Variants in NKAIN2 observed in about 807,000 individuals in gnomAD.
The protein encoded by NKAIN2 is sodium/potassium-transporting ATPase subunit beta-1-interacting protein 2.
NKAIN2 carries 14 observed loss-of-function variants against 32.6 expected under a neutral mutation model. The ratio of observed to expected loss-of-function variants is 0.43; its 90% CI spans 0.28 to 0.67. The LOEUF (loss-of-function observed/expected upper bound fraction) is 0.67, where lower values mean the gene tolerates loss of function less well. NKAIN2 is among the 30% of genes least tolerant of loss of function. The probability of loss-of-function intolerance (pLI) is 0.17; values close to 1 mark genes in which losing one functional copy is unlikely to be tolerated. For synonymous variants in NKAIN2, 80 were observed against 87.2 expected (o/e 0.92, Z 0.46); for missense variants, 198 against 258.3 (o/e 0.77, Z 1.60).
At chr6:124,754,142 G>A (rs1226284189) in intron 4 of NKAIN2, among the ~76,000 whole-genome samples, 2 of 152,038 alleles carry the variant, frequency 1.3e-5, no homozygotes, top group Non-Finnish European at 2.9e-5. Context: ...TTGCAATTGT[G>A]TACTATGACG....
At chr6:124,499,657 A>T (rs1011346769) in intron 3 of NKAIN2, among the ~76,000 whole-genome samples, 13 of 152,306 alleles carry the variant, frequency 8.5e-5, no homozygotes, top group Admixed American at 3.3e-4. Context: ...GATAAAAGAG[A>T]TTAGAAAAAA....
chr6:124,624,800 T>A (rs1174443056), intron 3 of NKAIN2, among the ~76,000 whole-genome samples: 2 of 152,314 alleles, frequency 1.3e-5, no homozygotes, highest in Non-Finnish European at 2.9e-5. Flanking sequence ...TATGTACCTG[T>A]TAAAATTATT....
chr6:124,216,937 C>A (rs1188265801), intron 1 of NKAIN2, among the ~76,000 whole-genome samples: 3 of 152,006 alleles, frequency 2.0e-5, no homozygotes, highest in Non-Finnish European at 4.4e-5. Context: ...ATGTGTAGAA[C>A]ATAACTATTA....
intron 1 of NKAIN2, among the ~76,000 whole-genome samples, chr6:123,954,437 C>T (rs150541477): frequency 3.9e-5 from 6 of 152,308 alleles, no homozygotes; most frequent in African/African-American, 1.4e-4. Context: ...CATTGGGGAG[C>T]TCCCCCCAAA....
rs186629323 is a variant in NKAIN2, at chr6:124,570,184, G to A, written c.274-88002G>A. On this transcript the variant is annotated intron_variant, in intron 3 of 6. Coordinates refer to ENST00000368417, the MANE Select transcript of NKAIN2 (RefSeq NM_001040214.3). Reference sequence around the variant, plus strand: ...AGCAAAGCATTCAAAAGCTGACTTGGGTGCTGTTAAAAGTATTCCATTTTA... The same window carrying A: ...AGCAAAGCATTCAAAAGCTGACTTGAGTGCTGTTAAAAGTATTCCATTTTA... 1.8e-3 allele frequency among the ~76,000 whole-genome samples: 276 copies of A among 152,262 alleles called. 1 individual carries two copies. The highest frequency in any genetic ancestry group is 3.3e-3 in the Non-Finnish European group (224 of 68,018).
chr6:124,492,835 A>C (rs1328130161), intron 3 of NKAIN2, among the ~76,000 whole-genome samples: 1 of 152,020 alleles, frequency 6.6e-6, no homozygotes, highest in Admixed American at 6.6e-5. Context: ...AGATAAAAAC[A>C]AACATACTGA....
intron 3 of NKAIN2, among the ~76,000 whole-genome samples, chr6:124,370,365 C>A (rs1474347305): frequency 1.3e-5 from 2 of 151,862 alleles, no homozygotes; most frequent in Admixed American, 6.6e-5. Flanking sequence ...GTGTATACAG[C>A]CTGATGCAAT....
chr6:123,945,310 C>T (rs182333252), intron 1 of NKAIN2, among the ~76,000 whole-genome samples: 15 of 152,148 alleles, frequency 9.9e-5, no homozygotes, highest in Non-Finnish European at 1.9e-4. Flanking sequence ...GAAGAAATGT[C>T]TAATATTCTT....
chr6:124,127,072 G>C (rs926176713), intron 1 of NKAIN2, among the ~76,000 whole-genome samples: 2 of 152,168 alleles, frequency 1.3e-5, no homozygotes, highest in Non-Finnish European at 2.9e-5. Context: ...TATATAGAGA[G>C]AGAGAGAAGA....
chr6:123,822,232 C>T (rs531505536), intron 1 of NKAIN2, among the ~76,000 whole-genome samples: 46 of 152,172 alleles, frequency 3.0e-4, no homozygotes, highest in Admixed American at 5.9e-4. Context: ...AGTGTTCTGA[C>T]AACTAATTTT....
intron 3 of NKAIN2, among the ~76,000 whole-genome samples, chr6:124,361,371 A>G (rs1210478126): frequency 6.6e-6 from 1 of 152,060 alleles, no homozygotes; most frequent in East Asian, 1.9e-4. Context: ...TTCTACCTTC[A>G]TAATGTATGG....
At chr6:124,303,963 G>C (rs1403969488) in intron 2 of NKAIN2, among the ~76,000 whole-genome samples, 1 of 152,198 alleles carries the variant, frequency 6.6e-6, no homozygotes, top group Non-Finnish European at 1.5e-5. Context: ...GTAACCAAAT[G>C]AGTGAAAATG....
At chr6:124,651,344 C>T (rs1376488409) in intron 3 of NKAIN2, among the ~76,000 whole-genome samples, 1 of 152,180 alleles carries the variant, frequency 6.6e-6, no homozygotes, top group Non-Finnish European at 1.5e-5. Flanking sequence ...GGCCCCACTA[C>T]TGTGGCTCCA....
chr6:123,867,554 T>C (rs1051905323), intron 1 of NKAIN2, among the ~76,000 whole-genome samples: 3 of 152,232 alleles, frequency 2.0e-5, no homozygotes, highest in Non-Finnish European at 4.4e-5. Context: ...AAATGAATGC[T>C]TGTTAATATT....
At chr6:124,173,306 T>A (rs1788987535) in intron 1 of NKAIN2, among the ~76,000 whole-genome samples, 2 of 152,128 alleles carry the variant, frequency 1.3e-5, no homozygotes, top group African/African-American at 4.8e-5. Flanking sequence ...GTTCTACACA[T>A]TCATTTTAGC....
chr6:123,872,103 T>C (rs1772920018), intron 1 of NKAIN2, among the ~76,000 whole-genome samples: 1 of 152,208 alleles, frequency 6.6e-6, no homozygotes. Flanking sequence ...ATTATGTTTA[T>C]TATTATTAAT....
intron 2 of NKAIN2, among the ~76,000 whole-genome samples, chr6:124,336,370 A>C (rs1797857353): frequency 6.6e-6 from 1 of 152,188 alleles, no homozygotes. Context: ...AAGAAATCTC[A>C]TGTGTGCCTC....
In NKAIN2 at chr6:124,084,234, G is replaced by A. The variant is rs1278648716; in HGVS notation, c.55-198771G>A. ...TCAGGCCAGAACAGTTTATTCTCAT[G>A]TATTGCCATCTACCACATAACGATT... On this transcript the variant is annotated intron_variant, in intron 1 of 6. Transcript: ENST00000368417. Among the ~76,000 whole-genome samples, 3 of 151,938 alleles carry A rather than the reference G, an allele frequency of 2.0e-5. No homozygotes were observed. In the East Asian group the frequency reaches 5.8e-4, roughly 29 times the overall value.
At chr6:124,456,845 ACT>A (rs924287029) in intron 3 of NKAIN2, among the ~76,000 whole-genome samples, 4 of 151,830 alleles carry the variant, frequency 2.6e-5, no homozygotes, top group African/African-American at 9.7e-5. Flanking sequence ...TGCCCTCTCT[ACT>A]TAAATATTTT....
Sources: gnomAD v4.1 joint callset for allele counts (sites outside exome capture counted in the v4.1 genomes callset) on GRCh38, gnomAD v4.1.1 for gene constraint, MANE v1.5 for transcripts, NCBI Gene and HGNC (gene_info 2026-07-23, HGNC 2026-07-21) for gene names.